Variants in CMTM8 observed in about 807,000 individuals in gnomAD.
CMTM8 encodes the protein CKLF-like MARVEL transmembrane domain-containing protein 8.
A neutral mutation model predicts 18.6 loss-of-function variants in CMTM8; 12 were observed. The observed-to-expected ratio is 0.65, with a 90% CI of 0.41 to 1.05. CMTM8 has a LOEUF of 1.05. Among genes scored for constraint, CMTM8 ranks in the 50% least tolerant of loss-of-function variants. The pLI, the probability that CMTM8 is intolerant of heterozygous loss-of-function variation, is 0.00. For synonymous variants in CMTM8, 87 were observed against 90.6 expected, an observed-to-expected ratio of 0.96 and a Z score of 0.23; for missense variants, 217 against 227.2, an observed-to-expected ratio of 0.95 and a Z score of 0.29.
intron 1 of CMTM8, among the ~76,000 whole-genome samples, chr3:32,326,024 T>C (rs1696144237): frequency 6.6e-6 from 1 of 152,252 alleles, no homozygotes; most frequent in Non-Finnish European, 1.5e-5. Context: ...CATGAAACCT[T>C]CTCTCAGGAA....
intron 1 of CMTM8, among the ~76,000 whole-genome samples, chr3:32,314,920 AT>A (rs57097289): frequency 0.12 from 18,329 of 151,472 alleles, 1,132 homozygotes; most frequent in Non-Finnish European, 0.15. Flanking sequence ...ACAGATCTTT[AT>A]TTTTTTTTTG....
intron 1 of CMTM8, among the ~76,000 whole-genome samples, chr3:32,254,396 T>C (rs1702151907): frequency 6.6e-6 from 1 of 152,212 alleles, no homozygotes; most frequent in South Asian, 2.1e-4. Flanking sequence ...ACATCTTCTA[T>C]ATGTATCATA....
intron 1 of CMTM8, among the ~76,000 whole-genome samples, chr3:32,254,981 G>T (rs978541937): frequency 6.6e-6 from 1 of 152,030 alleles, no homozygotes. Flanking sequence ...TGCCTATTTT[G>T]GACATTTCCT....
chr3:32,327,329 G>C (rs903151549), intron 1 of CMTM8, among the ~76,000 whole-genome samples: 1 of 152,118 alleles, frequency 6.6e-6, no homozygotes, highest in Non-Finnish European at 1.5e-5. Context: ...CCCTTAAAAT[G>C]TTGGGGCTCA....
chr3:32,269,944 AT>A (rs926656243), intron 1 of CMTM8, among the ~76,000 whole-genome samples: 99 of 145,852 alleles, frequency 6.8e-4, no homozygotes, highest in Middle Eastern at 3.6e-3. Flanking sequence ...TGCCTGGCTA[AT>A]TTTTTTTTTT....
chr3:32,349,559 C>T (rs923674155), intron 1 of CMTM8, among the ~76,000 whole-genome samples: 1 of 152,158 alleles, frequency 6.6e-6, no homozygotes, highest in African/African-American at 2.4e-5. Flanking sequence ...TTTTGCCTCC[C>T]AGAGAACAAT....
At chr3:32,308,569 C>G (rs1301893007) in intron 1 of CMTM8, among the ~76,000 whole-genome samples, 3 of 152,144 alleles carry the variant, frequency 2.0e-5, no homozygotes, top group Admixed American at 6.5e-5. Context: ...ATGAGTTCAG[C>G]ATGACTTCAC....
chr3:32,364,414 G>C (rs575125516), intron 2 of CMTM8, among the ~76,000 whole-genome samples: 1 of 152,258 alleles, frequency 6.6e-6, no homozygotes, highest in South Asian at 2.1e-4. Context: ...TGAGGCACGA[G>C]AATCGCTTGA....
intron 1 of CMTM8, chr3:32,259,381 C>G: frequency 2.4e-6 from 2 of 846,756 alleles, no homozygotes; most frequent in Non-Finnish European, 2.1e-6. Flanking sequence ...TGGACAATGC[C>G]CGCATTGTTC....
intron 1 of CMTM8, among the ~76,000 whole-genome samples, chr3:32,355,567 C>T (rs1696801012): frequency 6.6e-6 from 1 of 152,180 alleles, no homozygotes; most frequent in Non-Finnish European, 1.5e-5. Flanking sequence ...AAATTTGTCT[C>T]CACACCACTG....
Position 32,297,780 on chromosome 3 carries a change from C to A in CMTM8, c.147+58661C>A, listed in dbSNP as rs117784698. ...TTAAGGAAAGACAAGTTCTTAAACT[C>A]AGGGGGATTTGGCATTTTAAAATAC... On this transcript the variant is annotated intron_variant, in intron 1 of 3. Coordinates refer to ENST00000307526, the MANE Select transcript of CMTM8 (RefSeq NM_178868.5). 2.7e-3 allele frequency among the ~76,000 whole-genome samples: 405 copies of A among 152,044 alleles called. 9 individuals carry two copies. In the East Asian group the frequency reaches 0.054, roughly 20 times the overall value.
At chr3:32,272,168 GGTT>G (rs1199266158) in intron 1 of CMTM8, among the ~76,000 whole-genome samples, 2 of 152,144 alleles carry the variant, frequency 1.3e-5, no homozygotes, top group Admixed American at 6.5e-5. Context: ...TGGTCTCCAT[GGTT>G]GTTGTCGATG....
At chr3:32,362,839 G>A (rs1696963727) in intron 2 of CMTM8, among the ~76,000 whole-genome samples, 1 of 152,180 alleles carries the variant, frequency 6.6e-6, no homozygotes, top group South Asian at 2.1e-4. Context: ...CAGCCTGCCT[G>A]AACCTACAGG....
At chr3:32,314,915 T>C (rs1695890438) in intron 1 of CMTM8, among the ~76,000 whole-genome samples, 1 of 5,918 alleles carries the variant, frequency 1.7e-4, no homozygotes, top group South Asian at 0.02. Flanking sequence ...TGTACACAGA[T>C]CTTTATTTTT....
intron 1 of CMTM8, among the ~76,000 whole-genome samples, chr3:32,302,895 C>T (rs1034865187): frequency 2.0e-5 from 3 of 152,108 alleles, no homozygotes; most frequent in Non-Finnish European, 4.4e-5. Context: ...ACAAAGGAAC[C>T]CTGGGGCATT....
At chr3:32,278,093 AG>A (rs1366517685) in intron 1 of CMTM8, among the ~76,000 whole-genome samples, 2 of 152,186 alleles carry the variant, frequency 1.3e-5, no homozygotes, top group Non-Finnish European at 2.9e-5. Context: ...TTCTGATCCA[AG>A]ATACTGCTTC....
chr3:32,357,568 G>T (rs1354281764), intron 2 of CMTM8, 22 bp downstream of exon 2: 42 of 1,612,138 alleles, frequency 2.6e-5, no homozygotes, highest in Non-Finnish European at 3.4e-5. Flanking sequence ...GTGGGTGGTG[G>T]TCTTGTCCAG....
At chr3:32,277,819 A>G (rs779250414) in intron 1 of CMTM8, among the ~76,000 whole-genome samples, 18 of 152,208 alleles carry the variant, frequency 1.2e-4, no homozygotes, top group Non-Finnish European at 2.5e-4. Flanking sequence ...GGACAAATGC[A>G]CAATACTGAG....
In CMTM8 at chr3:32,354,261, A is replaced by G. The variant is rs1696769745; in HGVS notation, c.148-3112A>G. On this transcript the variant is annotated intron_variant, in intron 1 of 3. Transcript: ENST00000307526. Reference sequence around the variant, plus strand: ...TATCTTAAACACAAAGCAAAAGATGAGTAACATTTTTGAAGACTGGTTTTT... The same window carrying G: ...TATCTTAAACACAAAGCAAAAGATGGGTAACATTTTTGAAGACTGGTTTTT... 2.6e-5 allele frequency among the ~76,000 whole-genome samples: 4 copies of G among 152,250 alleles called. No homozygotes were observed. In the South Asian group the frequency reaches 8.3e-4, roughly 31 times the overall value.
Sources: gnomAD v4.1 joint callset for allele counts (sites outside exome capture counted in the v4.1 genomes callset) on GRCh38, gnomAD v4.1.1 for gene constraint, MANE v1.5 for transcripts, NCBI Gene and HGNC (gene_info 2026-07-23, HGNC 2026-07-21) for gene names.